NLGN1: variants seen among roughly 807,000 people sequenced by gnomAD.
The protein encoded by NLGN1 is neuroligin-1.
In NLGN1, 12 loss-of-function variants were observed where a neutral mutation model predicts 65.5. That is an observed-to-expected ratio of 0.18 (90% confidence interval 0.12 to 0.30). NLGN1 has a LOEUF of 0.30. Ranked by LOEUF, NLGN1 falls within the 10% of genes least tolerant of loss-of-function variation. The probability of loss-of-function intolerance (pLI) is 1.00; values close to 1 mark genes in which losing one functional copy is unlikely to be tolerated. For missense variants in NLGN1, 750 were observed against 1,007.1 expected (o/e 0.74, Z 3.46); for synonymous variants, 350 against 359.5 (o/e 0.97, Z 0.30).
chr3:174,192,909 T>C (rs1732666680), intron 4 of NLGN1, among the ~76,000 whole-genome samples: 5 of 152,140 alleles, frequency 3.3e-5, no homozygotes, highest in Non-Finnish European at 7.4e-5. Context: ...TTGCTATTAC[T>C]AAACTCCTGT....
chr3:173,512,213 G>A (rs757763699), intron 2 of NLGN1, among the ~76,000 whole-genome samples: 3 of 152,204 alleles, frequency 2.0e-5, no homozygotes, highest in South Asian at 2.1e-4. Context: ...GCTGCCTTCC[G>A]CCAGCAAGGG....
Position 173,556,763 on chromosome 3 carries a change from C to G in NLGN1, c.-320-47516C>G, listed in dbSNP as rs372136138. Among the ~76,000 whole-genome samples the G allele has an allele frequency of 4.0e-5, 6 of 151,820 alleles. No individual in the cohort carries two copies. The East Asian group carries it at 1.2e-3, about 30-fold the overall frequency. ...AGGTTGCCTTGAGCTATGATTGCAC[C>G]ACTGCACTCCAGCCTGGGTGACAGA... On this transcript the variant is annotated intron_variant, in intron 2 of 6. Transcript: ENST00000457714.
chr3:173,887,125 A>G (rs1734489415), intron 4 of NLGN1, among the ~76,000 whole-genome samples: 1 of 152,058 alleles, frequency 6.6e-6, no homozygotes, highest in South Asian at 2.1e-4. Flanking sequence ...AACAAAGTGC[A>G]TTTCTTACCT....
intron 4 of NLGN1, among the ~76,000 whole-genome samples, chr3:173,890,254 ACT>A (rs1396708356): frequency 6.6e-6 from 1 of 151,954 alleles, no homozygotes; most frequent in African/African-American, 2.4e-5. Flanking sequence ...AATAATTCTG[ACT>A]CTCATTTCTA....
chr3:174,079,342 G>C lies in NLGN1; in HGVS notation c.647-195973G>C, dbSNP rs532645897. 2.0e-5 allele frequency among the ~76,000 whole-genome samples: 3 copies of C among 152,144 alleles called. No homozygotes were observed. The East Asian group carries it at 5.8e-4, about 29-fold the overall frequency. On this transcript the variant is annotated intron_variant, in intron 4 of 6. Coordinates refer to ENST00000457714, the Ensembl canonical transcript of NLGN1. Reference sequence around the variant, plus strand: ...GCCAGTCAAAATCAAAATGAGATACGATCTCACACCAGTCAGAATGGTTAA... The same window carrying C: ...GCCAGTCAAAATCAAAATGAGATACCATCTCACACCAGTCAGAATGGTTAA...
intron 4 of NLGN1, among the ~76,000 whole-genome samples, chr3:174,035,348 A>G (rs748129396): frequency 1.3e-5 from 2 of 152,198 alleles, no homozygotes; most frequent in Non-Finnish European, 2.9e-5. Context: ...GATTATTGTC[A>G]TATAAGCCTA....
At chr3:173,443,352 A>T (rs1719577846) in intron 2 of NLGN1, among the ~76,000 whole-genome samples, 1 of 144,986 alleles carries the variant, frequency 6.9e-6, no homozygotes, top group Non-Finnish European at 1.5e-5. Context: ...CTATATATAT[A>T]GTCATAAAAG....
intron 4 of NLGN1, among the ~76,000 whole-genome samples, chr3:174,063,918 T>C (rs1164007873): frequency 6.6e-6 from 1 of 151,964 alleles, no homozygotes; most frequent in Non-Finnish European, 1.5e-5. Context: ...GGGCTGGGTG[T>C]ATCACCTGAG....
intron 3 of NLGN1, among the ~76,000 whole-genome samples, chr3:173,691,949 T>G (rs1765523439): frequency 1.3e-5 from 2 of 152,258 alleles, no homozygotes; most frequent in South Asian, 4.1e-4. Flanking sequence ...AAAAATTGAC[T>G]GCACAATGCA....
chr3:173,559,292 T>C (rs1742256844), intron 2 of NLGN1, among the ~76,000 whole-genome samples: 1 of 152,224 alleles, frequency 6.6e-6, no homozygotes, highest in South Asian at 2.1e-4. Flanking sequence ...ATGAGTCTCT[T>C]TCTGATCTAC....
Position 173,445,443 on chromosome 3 carries a change from T to C in NLGN1, c.-321+10365T>C, listed in dbSNP as rs564448568. Among the ~76,000 whole-genome samples the C allele has an allele frequency of 2.4e-4, 36 of 152,306 alleles. No homozygotes were observed. The South Asian group carries it at 6.2e-3, about 26-fold the overall frequency. ...ATTAATATCCAGGCTCAAAACTCTTTATACATGTTTCAATTTACAGAAGCA... is the reference window on the plus strand; with the variant it reads ...ATTAATATCCAGGCTCAAAACTCTTCATACATGTTTCAATTTACAGAAGCA... On this transcript the variant is annotated intron_variant, in intron 2 of 6. Coordinates refer to ENST00000457714, the Ensembl canonical transcript of NLGN1.
intron 4 of NLGN1, among the ~76,000 whole-genome samples, chr3:174,134,468 A>G (rs181723867): frequency 6.6e-6 from 1 of 152,294 alleles, no homozygotes; most frequent in Non-Finnish European, 1.5e-5. Flanking sequence ...TGCATTTAAC[A>G]CATTACGGAT....
chr3:174,078,982 A>G (rs1741573291), intron 4 of NLGN1, among the ~76,000 whole-genome samples: 2 of 152,008 alleles, frequency 1.3e-5, no homozygotes, highest in South Asian at 4.1e-4. Flanking sequence ...TGACACAAGT[A>G]CCGTAATACA....
chr3:173,418,057 G>A (rs1255440308), intron 1 of NLGN1, among the ~76,000 whole-genome samples: 2 of 151,098 alleles, frequency 1.3e-5, no homozygotes, highest in Non-Finnish European at 3.0e-5. Flanking sequence ...TTATGTGTGT[G>A]TGCATATTAT....
At chr3:174,272,053 T>C (rs1392840789) in intron 4 of NLGN1, among the ~76,000 whole-genome samples, 1 of 151,638 alleles carries the variant, frequency 6.6e-6, no homozygotes, top group Non-Finnish European at 1.5e-5. Flanking sequence ...TGTGTTACAA[T>C]AATAATTAGT....
At position 174,279,269 on chromosome 3, in the gene NLGN1, A is replaced by G. The variant is rs1751157957; in HGVS notation, c.1268A>G (p.Tyr423Cys). 1.2e-6 allele frequency: 2 copies of G among 1,613,274 alleles called. No individual in the cohort carries two copies. Among genetic ancestry groups the G allele is most frequent in the African/African-American group, 1.3e-5 (1 of 74,860 alleles). The change falls in exon 6 of 7, where the codon TAT (tyrosine) becomes TGT (cysteine). Residue 423 changes from tyrosine to cysteine, a missense_variant. Tyr to Cys is a radical substitution (Grantham distance 194). Transcript: ENST00000457714. The surrounding 1 kb of genome is among the most constrained non-coding windows in gnomAD (Gnocchi z 4.7). ...GTTTCAAATTTTGTTGATAATTTAT[A>G]TGGATATCCTGAAGGCAAAGATGTT...
chr3:173,839,342 A>G (rs569155249), intron 4 of NLGN1, among the ~76,000 whole-genome samples: 2 of 152,194 alleles, frequency 1.3e-5, no homozygotes, highest in East Asian at 3.9e-4. Flanking sequence ...TCACACAGTC[A>G]TGAACTAGGC....
intron 2 of NLGN1, among the ~76,000 whole-genome samples, chr3:173,578,221 G>A (rs1366708825): frequency 7.1e-6 from 1 of 140,070 alleles, no homozygotes; most frequent in Non-Finnish European, 1.5e-5. Flanking sequence ...GGGCGACAGG[G>A]CCAGACTCCG....
chr3:173,530,503 C>T (rs963251218), intron 2 of NLGN1, among the ~76,000 whole-genome samples: 10 of 152,192 alleles, frequency 6.6e-5, no homozygotes, highest in South Asian at 6.2e-4. Flanking sequence ...AAAAGCTATT[C>T]GTGAGGGTAA....
Sources: gnomAD v4.1 joint callset for allele counts (sites outside exome capture counted in the v4.1 genomes callset) on GRCh38, gnomAD v4.1.1 for gene constraint, Gnocchi (gnomAD v3.1) non-coding constraint, MANE v1.5 for transcripts, NCBI Gene and HGNC (gene_info 2026-07-23, HGNC 2026-07-21) for gene names.